Variants in FSTL5 observed in about 807,000 individuals in gnomAD.
FSTL5 encodes follistatin-related protein 5.
A neutral mutation model predicts 89.1 loss-of-function variants in FSTL5; 62 were observed. That is an observed-to-expected ratio of 0.70 (90% CI 0.57 to 0.86). The LOEUF is 0.86. Ranked by LOEUF, FSTL5 falls within the 40% of genes least tolerant of loss-of-function variation. The pLI is 0.00. For missense variants in FSTL5, 1,057 were observed against 1,001.6 expected (o/e 1.06, Z -0.75); for synonymous variants, 383 against 346.2 (o/e 1.11, Z -1.18).
intron 2 of FSTL5, among the ~76,000 whole-genome samples, chr4:162,046,450 C>G (rs1198259435): frequency 6.6e-6 from 1 of 152,074 alleles, no homozygotes; most frequent in African/African-American, 2.4e-5. Flanking sequence ...GAGTTGTAAA[C>G]TCTTTAATCT....
intron 4 of FSTL5, among the ~76,000 whole-genome samples, chr4:161,831,284 T>G (rs1730836433): frequency 6.6e-6 from 1 of 151,944 alleles, no homozygotes; most frequent in Non-Finnish European, 1.5e-5. Flanking sequence ...AAAACTCCAA[T>G]TAATAGATAT....
At chr4:161,812,141 C>T (rs1299959055) in intron 4 of FSTL5, among the ~76,000 whole-genome samples, 2 of 152,108 alleles carry the variant, frequency 1.3e-5, no homozygotes, top group Non-Finnish European at 2.9e-5. Flanking sequence ...AGACATTGGT[C>T]CCCGAATTGC....
intron 4 of FSTL5, among the ~76,000 whole-genome samples, chr4:161,785,518 T>C (rs1483692226): frequency 6.6e-6 from 1 of 152,204 alleles, no homozygotes; most frequent in African/African-American, 2.4e-5. Flanking sequence ...TCTAACAATA[T>C]AACTTATAGC....
chr4:161,443,278 T>A (rs1732838456), intron 15 of FSTL5, among the ~76,000 whole-genome samples: 1 of 151,996 alleles, frequency 6.6e-6, no homozygotes. Flanking sequence ...CTCTCCTTCA[T>A]TTGATAAGTG....
intron 2 of FSTL5, among the ~76,000 whole-genome samples, chr4:162,058,862 A>G (rs1220486243): frequency 6.6e-6 from 1 of 152,186 alleles, no homozygotes; most frequent in African/African-American, 2.4e-5. Flanking sequence ...TTATTCACAC[A>G]ATTAGGAAAA....
chr4:162,147,363 A>C (rs1733042581), intron 1 of FSTL5, among the ~76,000 whole-genome samples: 1 of 152,174 alleles, frequency 6.6e-6, no homozygotes, highest in Non-Finnish European at 1.5e-5. Flanking sequence ...TTTTCAAAAA[A>C]TGTTGAACAA....
intron 4 of FSTL5, among the ~76,000 whole-genome samples, chr4:161,906,173 T>A (rs1733520584): frequency 6.6e-6 from 1 of 151,700 alleles, no homozygotes; most frequent in Admixed American, 6.6e-5. Flanking sequence ...CCCAGGAAGA[T>A]TATAAGAAAC....
At chr4:161,560,701 C>T (rs1335066214) in intron 8 of FSTL5, among the ~76,000 whole-genome samples, 2 of 151,856 alleles carry the variant, frequency 1.3e-5, no homozygotes, top group Non-Finnish European at 2.9e-5. Flanking sequence ...CTGTCTTTAT[C>T]TATATCACTG....
Position 161,761,169 on chromosome 4 carries a change from A to G in FSTL5, c.607-1638T>C, listed in dbSNP as rs1242807846. ...ACTGACCCATATAAATAGAAATTGT[A>G]GATGGCAAGCCCTAAACTTTTGCAC... On this transcript the variant is annotated intron_variant, in intron 5 of 15. Transcript: ENST00000306100. Among the ~76,000 whole-genome samples, 3 of 152,238 alleles carry G rather than the reference A, an allele frequency of 2.0e-5. No homozygotes were observed. The East Asian group carries it at 5.8e-4, about 29-fold the overall frequency.
At chr4:161,486,380 A>G (rs1729678590) in intron 12 of FSTL5, among the ~76,000 whole-genome samples, 1 of 152,146 alleles carries the variant, frequency 6.6e-6, no homozygotes, top group African/African-American at 2.4e-5. Context: ...CAAGTACTGA[A>G]AGAAAACAGA....
chr4:162,162,992 G>C (rs778537620), intron 1 of FSTL5, among the ~76,000 whole-genome samples: 14 of 152,138 alleles, frequency 9.2e-5, no homozygotes, highest in Non-Finnish European at 1.8e-4. Context: ...ATGACCTTGG[G>C]GTGTGGAATG....
chr4:162,011,448 G>T (rs976054824), intron 3 of FSTL5, among the ~76,000 whole-genome samples: 12 of 151,942 alleles, frequency 7.9e-5, no homozygotes, highest in Non-Finnish European at 1.6e-4. Context: ...TGTGTTTCCT[G>T]ACTCTTCTCT....
intron 8 of FSTL5, among the ~76,000 whole-genome samples, chr4:161,566,527 G>A (rs1016106318): frequency 4.0e-5 from 6 of 150,578 alleles, no homozygotes; most frequent in Admixed American, 6.6e-5. Flanking sequence ...TTGAGAAATC[G>A]CCAAACTGTT....
chr4:162,013,213 T>G (rs961510809), intron 3 of FSTL5, among the ~76,000 whole-genome samples: 3 of 151,928 alleles, frequency 2.0e-5, no homozygotes, highest in Non-Finnish European at 4.4e-5. Context: ...TCAGTATACC[T>G]TCACAATGTC....
At chr4:161,980,924 C>T (rs549404131) in intron 3 of FSTL5, among the ~76,000 whole-genome samples, 1 of 151,758 alleles carries the variant, frequency 6.6e-6, no homozygotes, top group East Asian at 1.9e-4. Context: ...TCACGCCCGG[C>T]TAATTTTTGT....
intron 13 of FSTL5, among the ~76,000 whole-genome samples, chr4:161,480,218 A>C (rs181436147): frequency 3.3e-5 from 5 of 152,344 alleles, no homozygotes; most frequent in Admixed American, 3.3e-4. Flanking sequence ...CTTTACATGC[A>C]TTATTCATCT....
At position 161,501,133 on chromosome 4, in the gene FSTL5, T is replaced by C. The variant is rs181930052; in HGVS notation, c.1340-999A>G. ...AAAAGACAGCAATAATATTAAAATC[T>C]TGACTGGAAAATCAAACCATTGTTC... On this transcript the variant is annotated intron_variant, in intron 11 of 15. Transcript: ENST00000306100. Among the ~76,000 whole-genome samples, 14 of 152,312 alleles carry C rather than the reference T, an allele frequency of 9.2e-5. No individual in the cohort carries two copies. In the East Asian group the frequency reaches 1.9e-3, roughly 21 times the overall value.
intron 10 of FSTL5, among the ~76,000 whole-genome samples, chr4:161,517,420 T>G (rs1730879596): frequency 6.6e-6 from 1 of 152,234 alleles, no homozygotes; most frequent in African/African-American, 2.4e-5. Context: ...AAATTTTTTT[T>G]GAAGATAATA....
chr4:162,037,201 T>TG (rs1215036487), intron 2 of FSTL5, among the ~76,000 whole-genome samples: 1 of 151,780 alleles, frequency 6.6e-6, no homozygotes, highest in African/African-American at 2.4e-5. Context: ...AGAATATAAT[T>TG]GGGGGCAAAA....
Sources: allele counts gnomAD v4.1 joint callset (sites outside exome capture counted in the v4.1 genomes callset), GRCh38; gene constraint gnomAD v4.1.1; transcripts MANE v1.5; gene names NCBI Gene and HGNC (gene_info 2026-07-23, HGNC 2026-07-21).